Variants in RNF150 observed in about 807,000 individuals in gnomAD.
RNF150 encodes ring finger protein 150.
A neutral mutation model predicts 39.3 loss-of-function variants in RNF150; 24 were observed. The ratio of observed to expected loss-of-function variants is 0.61; its 90% CI spans 0.44 to 0.86. RNF150 has a LOEUF of 0.86. Among genes scored for constraint, RNF150 ranks in the 40% least tolerant of loss-of-function variants. The probability of loss-of-function intolerance (pLI) is 0.00; values close to 1 mark genes in which losing one functional copy is unlikely to be tolerated. For synonymous variants in RNF150, 255 were observed against 227.3 expected, an observed-to-expected ratio of 1.12 and a Z score of -1.10; for missense variants, 502 against 587.8, an observed-to-expected ratio of 0.85 and a Z score of 1.51.
intron 1 of RNF150, among the ~76,000 whole-genome samples, chr4:141,025,547 T>C (rs1205472767): frequency 1.3e-5 from 2 of 150,020 alleles, no homozygotes; most frequent in Non-Finnish European, 3.0e-5. Context: ...AAATGAAAAA[T>C]GAGAAGGAAT....
At chr4:140,957,566 C>T (rs1331385978) in intron 2 of RNF150, among the ~76,000 whole-genome samples, 6 of 152,124 alleles carry the variant, frequency 3.9e-5, no homozygotes, top group African/African-American at 7.2e-5. Flanking sequence ...ACCCAAAGGA[C>T]TATAAATCAT....
chr4:141,102,600 A>G lies in RNF150; in HGVS notation c.484+29725T>C, dbSNP rs140167777. ...ACAAGAATAACCTTATCCTCAAACC[A>G]CTCTACAGACAGTCCTGCTTCCCTT... On this transcript the variant is annotated intron_variant, in intron 1 of 6. Transcript: ENST00000515673. Among the ~76,000 whole-genome samples the G allele has an allele frequency of 9.7e-3, 1,476 of 152,098 alleles. 26 individuals are homozygous for G. The highest frequency in any genetic ancestry group is 0.033 in the African/African-American group (1,386 of 41,504).
intron 2 of RNF150, among the ~76,000 whole-genome samples, chr4:140,955,509 C>T (rs1732715266): frequency 6.6e-6 from 1 of 152,164 alleles, no homozygotes; most frequent in African/African-American, 2.4e-5. Flanking sequence ...AAAGTAATGT[C>T]ATCTCTAGCT....
At chr4:140,992,498 G>A (rs897184799) in intron 1 of RNF150, among the ~76,000 whole-genome samples, 4 of 152,188 alleles carry the variant, frequency 2.6e-5, no homozygotes, top group African/African-American at 9.7e-5. Flanking sequence ...GAGACATAAA[G>A]GAGGTGGCCA....
intron 6 of RNF150, among the ~76,000 whole-genome samples, chr4:140,878,720 G>T (rs554108041): frequency 6.6e-6 from 1 of 152,190 alleles, no homozygotes; most frequent in South Asian, 2.1e-4. Context: ...TTTTCACTCT[G>T]TTGACTGTTT....
At chr4:140,909,085 T>G (rs1283350332) in intron 6 of RNF150, among the ~76,000 whole-genome samples, 1 of 152,152 alleles carries the variant, frequency 6.6e-6, no homozygotes, top group Non-Finnish European at 1.5e-5. Context: ...ATCAAAGATG[T>G]CCAATAAATG....
At chr4:141,123,065 G>A (rs1376435372) in intron 1 of RNF150, among the ~76,000 whole-genome samples, 1 of 152,116 alleles carries the variant, frequency 6.6e-6, no homozygotes, top group Non-Finnish European at 1.5e-5. Flanking sequence ...CATTTGTAAT[G>A]GGAGAATCAA....
intron 1 of RNF150, among the ~76,000 whole-genome samples, chr4:141,027,546 T>C (rs1398953337): frequency 1.3e-5 from 2 of 152,178 alleles, no homozygotes; most frequent in African/African-American, 2.4e-5. Context: ...ACAGACAACA[T>C]TTCCCAATCT....
intron 1 of RNF150, among the ~76,000 whole-genome samples, chr4:141,188,347 G>C (rs976752255): frequency 6.6e-6 from 1 of 152,156 alleles, no homozygotes; most frequent in Non-Finnish European, 1.5e-5. Context: ...TTCTTGAGGA[G>C]TATCTTTGTG....
chr4:141,138,514 A>G (rs1486707224), intron 1 of RNF150, among the ~76,000 whole-genome samples: 5 of 152,214 alleles, frequency 3.3e-5, no homozygotes, highest in Admixed American at 6.5e-5. Flanking sequence ...AAAGGCTGGC[A>G]TTATTATTTT....
At chr4:140,879,284 T>C (rs1480785397) in intron 6 of RNF150, among the ~76,000 whole-genome samples, 1 of 152,228 alleles carries the variant, frequency 6.6e-6, no homozygotes, top group Non-Finnish European at 1.5e-5. Flanking sequence ...CCATTGGGAT[T>C]TTGATAAAGA....
chr4:141,004,373 T>C (rs532032078), intron 1 of RNF150, among the ~76,000 whole-genome samples: 85 of 152,112 alleles, frequency 5.6e-4, no homozygotes, highest in African/African-American at 1.8e-3. Flanking sequence ...TGGAGAGAAA[T>C]TGACACTAAA....
chr4:141,059,081 C>T (rs529946102), intron 1 of RNF150, among the ~76,000 whole-genome samples: 2 of 152,274 alleles, frequency 1.3e-5, no homozygotes, highest in East Asian at 3.9e-4. Flanking sequence ...CAATATTTTG[C>T]CCCTATCCTG....
chr4:140,964,660 G>C (rs1000204516), intron 2 of RNF150, among the ~76,000 whole-genome samples: 1 of 152,100 alleles, frequency 6.6e-6, no homozygotes, highest in Non-Finnish European at 1.5e-5. Flanking sequence ...ATTTGAATGG[G>C]AAGATTAAAC....
intron 1 of RNF150, among the ~76,000 whole-genome samples, chr4:141,160,236 A>C (rs999873081): frequency 6.6e-6 from 1 of 152,222 alleles, no homozygotes; most frequent in Admixed American, 6.5e-5. Context: ...AAGAAAATGG[A>C]AGTTATCACA....
At chr4:141,072,392 A>G (rs1737740705) in intron 1 of RNF150, among the ~76,000 whole-genome samples, 1 of 152,216 alleles carries the variant, frequency 6.6e-6, no homozygotes, top group Non-Finnish European at 1.5e-5. Flanking sequence ...AGACGTACAG[A>G]GTACAGAATG....
chr4:141,030,161 T>A (rs1735879312), intron 1 of RNF150, among the ~76,000 whole-genome samples: 1 of 150,728 alleles, frequency 6.6e-6, no homozygotes, highest in Non-Finnish European at 1.5e-5. Context: ...GCCACTGCAC[T>A]CCAGCCTGGG....
At chr4:141,171,333 G>A (rs183636652) in intron 1 of RNF150, among the ~76,000 whole-genome samples, 134 of 152,204 alleles carry the variant, frequency 8.8e-4, no homozygotes, top group African/African-American at 2.5e-3. Flanking sequence ...CCTTCTTTAC[G>A]GTGGTCTATG....
intron 1 of RNF150, among the ~76,000 whole-genome samples, chr4:141,074,401 G>A (rs1737818214): frequency 6.6e-6 from 1 of 151,350 alleles, no homozygotes; most frequent in African/African-American, 2.4e-5. Context: ...AAAGCTTGAT[G>A]CCTGTCTCAG....
Sources: gnomAD v4.1 joint callset for allele counts (sites outside exome capture counted in the v4.1 genomes callset) on GRCh38, gnomAD v4.1.1 for gene constraint, MANE v1.5 for transcripts, NCBI Gene and HGNC (gene_info 2026-07-23, HGNC 2026-07-21) for gene names.